The following PEX5L variants were observed in gnomAD, a reference collection of about 807,000 sequenced individuals.
PEX5L encodes the protein peroxisomal biogenesis factor 5 like.
PEX5L carries 30 observed loss-of-function variants against 84.0 expected under a neutral mutation model. The ratio of observed to expected loss-of-function variants is 0.36; its 90% CI spans 0.27 to 0.48. PEX5L has a LOEUF of 0.48. Among genes scored for constraint, PEX5L ranks in the 20% least tolerant of loss-of-function variants. The pLI, the probability that PEX5L is intolerant of heterozygous loss-of-function variation, is 0.99. For synonymous variants in PEX5L, 270 were observed against 283.1 expected, an observed-to-expected ratio of 0.95 and a Z score of 0.46; for missense variants, 533 against 754.6, an observed-to-expected ratio of 0.71 and a Z score of 3.44.
At chr3:180,036,500 G>A (rs2108390628) in intron 1 of PEX5L, 79 bp downstream of exon 1, 1 of 1,342,664 alleles carries the variant, frequency 7.4e-7, no homozygotes, top group Non-Finnish European at 1.1e-6. Flanking sequence ...GGCAGCACTT[G>A]ACCACAGAAA....
At chr3:179,897,367 C>G (rs1487157559) in intron 3 of PEX5L, among the ~76,000 whole-genome samples, 1 of 152,016 alleles carries the variant, frequency 6.6e-6, no homozygotes, top group Non-Finnish European at 1.5e-5. Flanking sequence ...ACTGGTAGTT[C>G]CACAGAGTGG....
rs932328802 is a variant in PEX5L at position 179,914,155 on chromosome 3, G to A, written c.94-15909C>T. Among the ~76,000 whole-genome samples the A allele has an allele frequency of 6.6e-5, 10 of 152,220 alleles. 1 individual carries two copies. In the Middle Eastern group the frequency reaches 0.017, roughly 259 times the overall value. On this transcript the variant is annotated intron_variant, in intron 2 of 14. Coordinates refer to ENST00000467460, the MANE Select transcript of PEX5L (RefSeq NM_016559.3). ...TCTTAGAATGTCAGTCTTATTACAG[G>A]GTGCCAAAGTTCCACAGAGGATAGT...
intron 5 of PEX5L, 132 bp downstream of exon 5, chr3:179,879,797 T>C: frequency 1.7e-6 from 1 of 577,068 alleles, no homozygotes; most frequent in Non-Finnish European, 3.0e-6. Flanking sequence ...AGCTATGTCC[T>C]GTCCAGTTTC....
rs1717583382 is a variant in PEX5L at position 179,797,656 on chromosome 3, A to G, written c.*4172T>C. ...TCTACTTCTTAGTTCAAAACAGTTT[A>G]ATTTCAACCAGTTCTATAACTATTG... On this transcript the variant is annotated 3_prime_UTR_variant, in exon 15 of 15. Transcript: ENST00000467460. 2.0e-5 allele frequency: 3 copies of G among 147,394 alleles called. No individual in the cohort carries two copies. In the South Asian group the frequency reaches 6.4e-4, roughly 31 times the overall value. 9.1% of individuals were successfully genotyped at this position (147,394 alleles called of 1,614,324 possible). A position where few individuals can be genotyped will look rare whatever the true frequency, so the allele number is the denominator to read the frequency against.
chr3:179,858,805 T>G (rs1351719117), intron 8 of PEX5L, among the ~76,000 whole-genome samples: 1 of 152,180 alleles, frequency 6.6e-6, no homozygotes, highest in Non-Finnish European at 1.5e-5. Flanking sequence ...CTCCTGACAG[T>G]CATTGCTAAT....
At chr3:179,996,681 C>T (rs990110212) in intron 1 of PEX5L, among the ~76,000 whole-genome samples, 2 of 152,168 alleles carry the variant, frequency 1.3e-5, no homozygotes, top group Non-Finnish European at 2.9e-5. Context: ...TTGCTCTTCT[C>T]TGTATGTCAC....
intron 10 of PEX5L, among the ~76,000 whole-genome samples, chr3:179,812,513 T>C (rs1724282763): frequency 6.6e-6 from 1 of 152,182 alleles, no homozygotes; most frequent in Admixed American, 6.5e-5. Context: ...ATCCTTGTAA[T>C]TTTTAATTTG....
At chr3:179,961,085 ATTTC>A (rs1354740767) in intron 2 of PEX5L, among the ~76,000 whole-genome samples, 1 of 11,338 alleles carries the variant, frequency 8.8e-5, no homozygotes, top group African/African-American at 3.2e-4. Flanking sequence ...TTCTCTCACC[ATTTC>A]CATTTCTTTA....
At chr3:179,885,923 T>C (rs1055307239) in intron 4 of PEX5L, among the ~76,000 whole-genome samples, 1 of 152,204 alleles carries the variant, frequency 6.6e-6, no homozygotes, top group African/African-American at 2.4e-5. Context: ...TGGTACTTTG[T>C]CACAGCAGCC....
chr3:179,937,284 T>C (rs1054784900), intron 2 of PEX5L, among the ~76,000 whole-genome samples: 11 of 152,170 alleles, frequency 7.2e-5, no homozygotes, highest in African/African-American at 2.7e-4. Flanking sequence ...AGGACCAAGG[T>C]TGGTTCATTA....
At chr3:180,005,499 C>T (rs374452525) in intron 1 of PEX5L, among the ~76,000 whole-genome samples, 12 of 152,240 alleles carry the variant, frequency 7.9e-5, no homozygotes, top group African/African-American at 1.7e-4. Context: ...GAGGCCAAGG[C>T]GGGTGGATCA....
intron 2 of PEX5L, among the ~76,000 whole-genome samples, chr3:179,928,639 G>A (rs1464366373): frequency 1.3e-5 from 2 of 152,150 alleles, no homozygotes; most frequent in African/African-American, 4.8e-5. Context: ...TTTCCTGCAA[G>A]CAACCATCAC....
intron 8 of PEX5L, among the ~76,000 whole-genome samples, chr3:179,824,223 CAGTT>C (rs766736360): frequency 3.9e-5 from 6 of 152,230 alleles, no homozygotes; most frequent in South Asian, 2.1e-4. Context: ...ATGTAATTGT[CAGTT>C]AGAAAGATCC....
intron 2 of PEX5L, among the ~76,000 whole-genome samples, chr3:179,903,951 A>G (rs543553960): frequency 1.3e-5 from 2 of 152,330 alleles, no homozygotes; most frequent in Admixed American, 1.3e-4. Flanking sequence ...CTAGGTGTAA[A>G]CAACTGGGAA....
At chr3:179,995,170 T>A (rs1787767154) in intron 1 of PEX5L, among the ~76,000 whole-genome samples, 2 of 147,718 alleles carry the variant, frequency 1.4e-5, no homozygotes, top group Non-Finnish European at 3.0e-5. Context: ...ATATACTATA[T>A]ATGTATATAC....
intron 8 of PEX5L, among the ~76,000 whole-genome samples, chr3:179,851,052 A>G (rs570881900): frequency 1.3e-5 from 2 of 152,306 alleles, no homozygotes; most frequent in Admixed American, 6.5e-5. Flanking sequence ...TAAAAACAAA[A>G]TTTCTATATG....
At chr3:179,910,602 G>A (rs1764828714) in intron 2 of PEX5L, among the ~76,000 whole-genome samples, 1 of 152,198 alleles carries the variant, frequency 6.6e-6, no homozygotes, top group African/African-American at 2.4e-5. Flanking sequence ...GCTCTTGCCA[G>A]TATCTCTGTA....
intron 2 of PEX5L, among the ~76,000 whole-genome samples, chr3:179,947,134 AG>A (rs1445891682): frequency 6.6e-6 from 1 of 152,162 alleles, no homozygotes; most frequent in Non-Finnish European, 1.5e-5. Context: ...CGCTCATCTG[AG>A]AAATTGGTAG....
chr3:179,807,885 G>A (rs751593519), intron 13 of PEX5L, 54 bp from the exon 14 acceptor site: 1 of 1,499,434 alleles, frequency 6.7e-7, no homozygotes, highest in Non-Finnish European at 9.2e-7. Context: ...CAATGACAGA[G>A]CATTCCTGTA....
Sources: gnomAD v4.1 joint callset for allele counts (sites outside exome capture counted in the v4.1 genomes callset) on GRCh38, gnomAD v4.1.1 for gene constraint, MANE v1.5 for transcripts, NCBI Gene and HGNC (gene_info 2026-07-23, HGNC 2026-07-21) for gene names.